RBMS1: variants seen among roughly 807,000 people sequenced by gnomAD.
The protein encoded by RBMS1 is RNA-binding motif, single-stranded-interacting protein 1.
RBMS1 carries 17 observed loss-of-function variants against 62.3 expected under a neutral mutation model. The observed-to-expected ratio is 0.27, with a 90% confidence interval of 0.19 to 0.41. The LOEUF (loss-of-function observed/expected upper bound fraction) is 0.41, where lower values mean the gene tolerates loss of function less well. RBMS1 is among the 10% of genes least tolerant of loss of function. The pLI is 1.00. For missense variants in RBMS1, 334 were observed against 504.5 expected, an observed-to-expected ratio of 0.66 and a Z score of 3.24; for synonymous variants, 172 against 170.0, an observed-to-expected ratio of 1.01 and a Z score of -0.09.
chr2:160,366,941 T>A (rs187670327), intron 2 of RBMS1: 155 of 239,596 alleles, frequency 6.5e-4, no homozygotes, highest in African/African-American at 1.2e-3. Context: ...AAGTTTTTTT[T>A]AAAAAAATTC....
intron 6 of RBMS1, among the ~76,000 whole-genome samples, chr2:160,292,993 G>A (rs774937706): frequency 3.2e-4 from 48 of 152,172 alleles, no homozygotes; most frequent in African/African-American, 2.4e-5. Context: ...TAAGAGTATA[G>A]CCCTTGAAAG....
chr2:160,453,752 A>T (rs1281588828), intron 1 of RBMS1, among the ~76,000 whole-genome samples: 2 of 152,124 alleles, frequency 1.3e-5, no homozygotes, highest in East Asian at 3.9e-4. Flanking sequence ...ACCTACATCC[A>T]GTCTATCTTT....
At position 160,491,105 on chromosome 2, in the gene RBMS1, G is replaced by A. The variant is rs1228396042; in HGVS notation, c.75+2184C>T. ...ACCATGCTACCAACAGATACATAAG[G>A]GAGAGAAAAAAAAAAGGGCTGCCTG... On this transcript the variant is annotated intron_variant, in intron 1 of 13. Coordinates refer to ENST00000348849, the MANE Select transcript of RBMS1 (RefSeq NM_016836.4). 2.7e-3 allele frequency among the ~76,000 whole-genome samples: 13 copies of A among 4,888 alleles called. No homozygotes were observed. In the South Asian group the frequency reaches 0.034, roughly 13 times the overall value. The allele number at this position is 4,888 out of a possible 152,430, so 3.2% of individuals were successfully genotyped here. A position where few individuals can be genotyped will look rare whatever the true frequency, so the allele number is the denominator to read the frequency against.
At chr2:160,450,592 A>C (rs1293051826) in intron 1 of RBMS1, among the ~76,000 whole-genome samples, 2 of 149,988 alleles carry the variant, frequency 1.3e-5, no homozygotes, top group South Asian at 2.1e-4. Flanking sequence ...AAAAACATTA[A>C]CCCAGTTTGT....
chr2:160,475,859 A>C (rs1476665702), intron 1 of RBMS1, among the ~76,000 whole-genome samples: 1 of 142,064 alleles, frequency 7.0e-6, no homozygotes, highest in African/African-American at 2.6e-5. Flanking sequence ...TGGGCCCCCC[A>C]TTTTTTTTTT....
chr2:160,302,808 C>CA (rs71003484), intron 5 of RBMS1: 56,749 of 137,258 alleles, frequency 0.41, 11,030 homozygotes, highest in Admixed American at 0.52. Flanking sequence ...TTATTTCTCA[C>CA]AAAAAAAAAA....
intron 1 of RBMS1, among the ~76,000 whole-genome samples, chr2:160,413,484 ATTC>A (rs1469243033): frequency 6.6e-6 from 1 of 152,236 alleles, no homozygotes; most frequent in African/African-American, 2.4e-5. Flanking sequence ...AAAATCTGCA[ATTC>A]TTATTCCAAA....
At chr2:160,330,695 G>GA (rs772630328) in intron 2 of RBMS1, among the ~76,000 whole-genome samples, 167 of 138,876 alleles carry the variant, frequency 1.2e-3, no homozygotes, top group East Asian at 0.011. Flanking sequence ...AGGTTGCACT[G>GA]AAAAAAAAAA....
At chr2:160,369,877 G>A (rs1429757750) in intron 1 of RBMS1, among the ~76,000 whole-genome samples, 1 of 152,144 alleles carries the variant, frequency 6.6e-6, no homozygotes, top group Non-Finnish European at 1.5e-5. Context: ...TGACTTAGTT[G>A]GAGATTATTT....
At chr2:160,333,138 G>A (rs988664007) in intron 2 of RBMS1, among the ~76,000 whole-genome samples, 10 of 152,106 alleles carry the variant, frequency 6.6e-5, no homozygotes, top group Admixed American at 2.0e-4. Flanking sequence ...GATGATGGAG[G>A]TGGGGGCAGA....
intron 1 of RBMS1, among the ~76,000 whole-genome samples, chr2:160,394,594 G>C (rs1695041888): frequency 6.6e-6 from 1 of 152,136 alleles, no homozygotes; most frequent in African/African-American, 2.4e-5. Flanking sequence ...CCTTAACAGA[G>C]GAGAAATTAA....
chr2:160,478,242 C>T (rs780320488), intron 1 of RBMS1, among the ~76,000 whole-genome samples: 4 of 152,178 alleles, frequency 2.6e-5, no homozygotes, highest in Non-Finnish European at 5.9e-5. Flanking sequence ...CCCAACACTT[C>T]GAGAATTCAC....
intron 1 of RBMS1, among the ~76,000 whole-genome samples, chr2:160,443,211 C>CAA (rs67505228): frequency 9.8e-4 from 131 of 133,266 alleles, no homozygotes; most frequent in African/African-American, 1.6e-3. Context: ...CTTAAGAAAA[C>CAA]AAAAAAAAAA....
intron 1 of RBMS1, among the ~76,000 whole-genome samples, chr2:160,425,180 G>A (rs4664325): frequency 0.5 from 76,487 of 151,982 alleles, 20,399 homozygotes; most frequent in Admixed American, 0.63. Context: ...TTTTTTATAA[G>A]GTAGTCCAGA....
chr2:160,287,182 A>T (rs1284929696), intron 6 of RBMS1, 98 bp from the exon 7 acceptor site: 1 of 1,501,478 alleles, frequency 6.7e-7, no homozygotes. Context: ...ACGCTATTAG[A>T]AAATTCATAC....
chr2:160,403,876 G>C (rs58568638), intron 1 of RBMS1, among the ~76,000 whole-genome samples: 4,891 of 152,256 alleles, frequency 0.032, 257 homozygotes, highest in African/African-American at 0.11. Context: ...AAGAGGAGTA[G>C]CTAATAAAAG....
chr2:160,385,000 G>GCTCC (rs976087807), intron 1 of RBMS1, among the ~76,000 whole-genome samples: 4 of 151,920 alleles, frequency 2.6e-5, no homozygotes, highest in African/African-American at 9.7e-5. Context: ...TCTCTCTCTT[G>GCTCC]CTCCCTCTCT....
intron 1 of RBMS1, among the ~76,000 whole-genome samples, chr2:160,454,848 T>C (rs1168139662): frequency 6.6e-6 from 1 of 152,246 alleles, no homozygotes; most frequent in Non-Finnish European, 1.5e-5. Flanking sequence ...GAAATTTCTT[T>C]TAGGTAGAAT....
intron 2 of RBMS1, among the ~76,000 whole-genome samples, chr2:160,322,343 C>T (rs1238921323): frequency 6.6e-6 from 1 of 152,140 alleles, no homozygotes; most frequent in Non-Finnish European, 1.5e-5. Flanking sequence ...AAGGTCTGTA[C>T]GGTACTCAAA....
Sources: gnomAD v4.1 joint callset for allele counts (sites outside exome capture counted in the v4.1 genomes callset) on GRCh38, gnomAD v4.1.1 for gene constraint, MANE v1.5 for transcripts, NCBI Gene and HGNC (gene_info 2026-07-23, HGNC 2026-07-21) for gene names.